Variants in APBB2 observed in about 807,000 individuals in gnomAD.
APBB2 encodes the protein Fe65-like 1.
Under a neutral mutation model 82.5 loss-of-function variants are expected in APBB2, and 38 were observed. The ratio of observed to expected loss-of-function variants is 0.46; its 90% CI spans 0.36 to 0.60. The LOEUF is 0.60. Among genes scored for constraint, APBB2 ranks in the 20% least tolerant of loss-of-function variants. The pLI is 0.00. For synonymous variants in APBB2, 341 were observed against 368.2 expected (o/e 0.93, Z 0.85); for missense variants, 772 against 972.3 (o/e 0.79, Z 2.74).
chr4:40,872,101 G>A (rs968103020), intron 12 of APBB2, among the ~76,000 whole-genome samples: 7 of 152,216 alleles, frequency 4.6e-5, no homozygotes, highest in South Asian at 2.1e-4. Flanking sequence ...GAGCAAAAGC[G>A]CTAAGCATCA....
At chr4:41,168,788 T>C (rs1767426402) in intron 1 of APBB2, among the ~76,000 whole-genome samples, 1 of 152,158 alleles carries the variant, frequency 6.6e-6, no homozygotes, top group Admixed American at 6.5e-5. Flanking sequence ...TGAGTGAAAT[T>C]TTCTGTGATT....
intron 10 of APBB2, among the ~76,000 whole-genome samples, chr4:40,901,890 T>C (rs1775394577): frequency 6.8e-6 from 1 of 147,608 alleles, no homozygotes; most frequent in Non-Finnish European, 1.5e-5. Flanking sequence ...CTAAACACCC[T>C]GAAAATATAT....
chr4:40,894,926 G>A (rs1773244036), intron 10 of APBB2, among the ~76,000 whole-genome samples: 1 of 152,176 alleles, frequency 6.6e-6, no homozygotes, highest in Non-Finnish European at 1.5e-5. Context: ...CATGCAAGCT[G>A]TCCAGCAGTT....
At chr4:41,084,386 T>C (rs1374844532) in intron 3 of APBB2, among the ~76,000 whole-genome samples, 2 of 152,030 alleles carry the variant, frequency 1.3e-5, no homozygotes, top group Non-Finnish European at 2.9e-5. Context: ...ATCACACCAT[T>C]GCATTCCAGC....
At chr4:40,883,350 G>C (rs1361336948) in intron 12 of APBB2, among the ~76,000 whole-genome samples, 1 of 152,112 alleles carries the variant, frequency 6.6e-6, no homozygotes, top group East Asian at 1.9e-4. Flanking sequence ...ACTTTGGGAG[G>C]CCGAGGAGGG....
At chr4:40,978,001 C>T (rs935973826) in intron 6 of APBB2, among the ~76,000 whole-genome samples, 1 of 152,212 alleles carries the variant, frequency 6.6e-6, no homozygotes, top group Non-Finnish European at 1.5e-5. Context: ...CAGCAACTCT[C>T]GTGTAAATAT....
intron 6 of APBB2, among the ~76,000 whole-genome samples, chr4:41,000,008 G>T (rs1302470750): frequency 1.4e-5 from 2 of 142,684 alleles, no homozygotes; most frequent in South Asian, 4.4e-4. Context: ...GTAAAACCCC[G>T]TATTTACAAA....
At chr4:40,930,680 T>C (rs1213520103) in intron 10 of APBB2, among the ~76,000 whole-genome samples, 2 of 152,200 alleles carry the variant, frequency 1.3e-5, no homozygotes, top group Admixed American at 6.5e-5. Flanking sequence ...TTTTCTATAA[T>C]AACTTTTAAG....
intron 2 of APBB2, among the ~76,000 whole-genome samples, chr4:41,139,868 T>C (rs1758608473): frequency 6.6e-6 from 1 of 152,174 alleles, no homozygotes; most frequent in African/African-American, 2.4e-5. Context: ...TCATAGAACA[T>C]ACAACGCAAA....
intron 15 of APBB2, among the ~76,000 whole-genome samples, chr4:40,825,591 G>A (rs564099290): frequency 6.6e-5 from 10 of 152,374 alleles, no homozygotes; most frequent in Non-Finnish European, 1.0e-4. Flanking sequence ...CAGAGCAGCG[G>A]AGCTCTTCCA....
intron 12 of APBB2, among the ~76,000 whole-genome samples, chr4:40,870,557 A>G (rs1202134107): frequency 6.6e-6 from 1 of 152,220 alleles, no homozygotes; most frequent in African/African-American, 2.4e-5. Flanking sequence ...CCTAGAGGAG[A>G]GACAGCTGGG....
At chr4:41,087,234 ATAC>A (rs1438440445) in intron 3 of APBB2, among the ~76,000 whole-genome samples, 1 of 152,216 alleles carries the variant, frequency 6.6e-6, no homozygotes, top group Non-Finnish European at 1.5e-5. Flanking sequence ...TAAGTCATCT[ATAC>A]TACTTAAAGC....
intron 1 of APBB2, among the ~76,000 whole-genome samples, chr4:41,196,023 G>C: frequency 7.0e-6 from 1 of 142,118 alleles, no homozygotes; most frequent in Non-Finnish European, 1.5e-5. Flanking sequence ...AGCTGGGTGT[G>C]GTGGCGGCGC....
chr4:41,140,218 T>A (rs1758719228), intron 2 of APBB2, among the ~76,000 whole-genome samples: 1 of 152,204 alleles, frequency 6.6e-6, no homozygotes, highest in Admixed American at 6.5e-5. Flanking sequence ...TGATAGCCTC[T>A]CATTTGGCTA....
At chr4:40,963,722 T>C (rs1560398804) in intron 6 of APBB2, among the ~76,000 whole-genome samples, 2 of 152,378 alleles carry the variant, frequency 1.3e-5, no homozygotes, top group East Asian at 3.9e-4. Context: ...ACAAAAATAC[T>C]GACAATAATC....
chr4:41,090,144 G>A (rs1741193472), intron 3 of APBB2, among the ~76,000 whole-genome samples: 1 of 151,982 alleles, frequency 6.6e-6, no homozygotes, highest in Non-Finnish European at 1.5e-5. Context: ...AAGATTTAAG[G>A]GAAAAATTTG....
At chr4:41,128,744 T>C (rs1275443406) in intron 2 of APBB2, among the ~76,000 whole-genome samples, 1 of 152,174 alleles carries the variant, frequency 6.6e-6, no homozygotes, top group African/African-American at 2.4e-5. Context: ...ACACATCACT[T>C]CCCCTACTGT....
chr4:40,810,616 A>G lies in APBB2; in HGVS notation c.*5476T>C, dbSNP rs1231600053. The G allele has an allele frequency of 6.6e-6, 1 of 151,492 alleles. No homozygotes were observed. Among genetic ancestry groups the G allele is most frequent in the Non-Finnish European group, 1.5e-5 (1 of 67,884 alleles). 9.4% of individuals were successfully genotyped at this position (151,492 alleles called of 1,614,324 possible). A position where few individuals can be genotyped will look rare whatever the true frequency, so the allele number is the denominator to read the frequency against. On this transcript the variant is annotated 3_prime_UTR_variant, in exon 18 of 18. Coordinates refer to ENST00000508593, the MANE Select transcript of APBB2 (RefSeq NM_004307.2). ...AAAAAAAAAAAGTGTCAATGAAGAAAGGAAACAAGACTTTTTATAGTTGAA... is the reference window on the plus strand; with the variant it reads ...AAAAAAAAAAAGTGTCAATGAAGAAGGGAAACAAGACTTTTTATAGTTGAA...
intron 12 of APBB2, 138 bp downstream of exon 12, chr4:40,890,226 A>G: frequency 1.7e-6 from 2 of 1,203,284 alleles, no homozygotes; most frequent in East Asian, 2.8e-5. Context: ...ACTAGAGACA[A>G]GCTTTCATTT....
Sources: gnomAD v4.1 joint callset for allele counts (sites outside exome capture counted in the v4.1 genomes callset) on GRCh38, gnomAD v4.1.1 for gene constraint, MANE v1.5 for transcripts, NCBI Gene and HGNC (gene_info 2026-07-23, HGNC 2026-07-21) for gene names.